The following FRMD7 variants were observed in gnomAD, a reference collection of about 807,000 sequenced individuals.
The protein encoded by FRMD7 is FERM domain-containing protein 7.
A neutral mutation model predicts 44.1 loss-of-function variants in FRMD7; 14 were observed. The observed-to-expected ratio is 0.32, with a 90% CI of 0.21 to 0.50. FRMD7 has a LOEUF of 0.50. Among genes scored for constraint, FRMD7 ranks in the 20% least tolerant of loss-of-function variants. The pLI is 0.99. For synonymous variants in FRMD7, 212 were observed against 187.4 expected (o/e 1.13, Z -1.07); for missense variants, 501 against 522.3 (o/e 0.96, Z 0.40).
At chrX:132,106,843 A>G (rs770433488) in intron 1 of FRMD7, among the ~76,000 whole-genome samples, 1 of 111,760 alleles carries the variant, frequency 8.9e-6, no homozygotes, top group Non-Finnish European at 1.9e-5. Context: ...AACACAAAGA[A>G]GGAAACAACA....
In FRMD7 at chrX:132,097,339, T is replaced by C; in HGVS notation, c.211A>G (p.Lys71Glu). Residue 71 changes from lysine to glutamate, a missense_variant, in exon 4 of 12, where the codon AAG (lysine) becomes GAG (glutamate). Transcript: ENST00000298542. ...KPITKQVKNP[K>E]EIVFKFMVKF... ...ACCATAAATTTGAAAACAATCTCCT[T>C]AGGATCTTAAAACACAATATCTCCA... is the stretch of plus-strand genomic sequence containing the variant. 3.5e-6 allele frequency: 4 copies of C among 1,155,076 alleles called. No individual in the cohort carries two copies. Among genetic ancestry groups the C allele is most frequent in the African/African-American group, 3.5e-5 (2 of 56,519 alleles).
In FRMD7 at chrX:132,085,997, C is replaced by T. The variant is rs1357144462; in HGVS notation, c.420G>A (p.Lys140=). The T allele has an allele frequency of 1.7e-6, 2 of 1,201,351 alleles. No individual in the cohort carries two copies. Among genetic ancestry groups the T allele is most frequent in the East Asian group, 3.0e-5 (1 of 33,817 alleles). ...GTAAGTACCGAGTTTGTGCCAGATGCTTCCTATCTGTTTCTTCATGAAAGT... is the reference window on the plus strand; with the variant it reads ...GTAAGTACCGAGTTTGTGCCAGATGTTTCCTATCTGTTTCTTCATGAAAGT... The part of the protein sequence containing the change: ...LGDFHEETDR[K]HLAQTRYLPN... The change falls in exon 6 of 12, where the codon AAG becomes AAA. Residue 140 remains lysine (K), a synonymous_variant. Transcript: ENST00000298542.
At chrX:132,124,829 G>A (rs935218013) in intron 1 of FRMD7, among the ~76,000 whole-genome samples, 6 of 111,729 alleles carry the variant, frequency 5.4e-5, no homozygotes, top group Non-Finnish European at 1.1e-4. Context: ...TCTTGCTCAC[G>A]AACTTTACCT....
At chrX:132,116,818 T>C (rs1258013710) in intron 1 of FRMD7, among the ~76,000 whole-genome samples, 1 of 111,907 alleles carries the variant, frequency 8.9e-6, no homozygotes, top group Non-Finnish European at 1.9e-5. Context: ...ATCCCAGAAC[T>C]TAAAATAAAA....
chrX:132,084,654 T>C, intron 7 of FRMD7, 69 bp from the exon 8 acceptor site: 2 of 635,730 alleles, frequency 3.1e-6, no homozygotes, highest in South Asian at 2.2e-5. Context: ...AGTGCAAACC[T>C]GATAGAAAAT....
chrX:132,124,532 A>G (rs1462633174), intron 1 of FRMD7, among the ~76,000 whole-genome samples: 1 of 111,693 alleles, frequency 9.0e-6, no homozygotes, highest in Non-Finnish European at 1.9e-5. Context: ...TGCACCCCTA[A>G]ACACTATTGG....
At chrX:132,097,824 T>C (rs187088922) in intron 3 of FRMD7, among the ~76,000 whole-genome samples, 4 of 112,644 alleles carry the variant, frequency 3.6e-5, no homozygotes, top group African/African-American at 1.3e-4. Context: ...AAAACACATA[T>C]ACTTATCTTC....
intron 1 of FRMD7, among the ~76,000 whole-genome samples, chrX:132,121,670 A>G (rs948831821): frequency 9.0e-6 from 1 of 110,777 alleles, no homozygotes; most frequent in African/African-American, 3.3e-5. Flanking sequence ...TGTGCATGAG[A>G]CTTATGTAAG....
chrX:132,080,134 G>A (rs370437110), intron 10 of FRMD7, 53 bp from the exon 11 acceptor site: 2 of 1,113,696 alleles, frequency 1.8e-6, no homozygotes, highest in Non-Finnish European at 2.5e-6. Flanking sequence ...TGAATACCAG[G>A]ATACATAGAA....
At chrX:132,086,055 A>AT in intron 5 of FRMD7, 21 bp from the exon 6 acceptor site, 10 of 963,047 alleles carry the variant, frequency 1.0e-5, no homozygotes, top group Non-Finnish European at 1.5e-5. Flanking sequence ...GGAAAAAGAC[A>AT]TTTTTCACAT....
chrX:132,103,626 C>T (rs1928571273), intron 1 of FRMD7, among the ~76,000 whole-genome samples: 2 of 111,708 alleles, frequency 1.8e-5, no homozygotes. Context: ...GGGCTTCAAA[C>T]TCATCTTCTC....
chrX:132,110,661 C>G (rs1335790160), intron 1 of FRMD7, among the ~76,000 whole-genome samples: 1 of 112,179 alleles, frequency 8.9e-6, no homozygotes, highest in African/African-American at 3.2e-5. Flanking sequence ...CTCACTTACT[C>G]TCCATCCCTT....
intron 1 of FRMD7, among the ~76,000 whole-genome samples, chrX:132,122,935 G>A (rs1032205258): frequency 9.0e-6 from 1 of 111,684 alleles, no homozygotes; most frequent in African/African-American, 3.3e-5. Context: ...TGCCTGAAAG[G>A]TCTAGCTGCC....
At chrX:132,082,574 A>C in intron 8 of FRMD7, 48 bp from the exon 9 acceptor site, 1 of 1,069,912 alleles carries the variant, frequency 9.3e-7, no homozygotes, top group East Asian at 3.0e-5. Flanking sequence ...AAGAATATCA[A>C]AGACCTTCAA....
chrX:132,111,729 T>G (rs913446989), intron 1 of FRMD7, among the ~76,000 whole-genome samples: 2 of 112,166 alleles, frequency 1.8e-5, no homozygotes, highest in Admixed American at 1.9e-4. Context: ...TTGTGTTAAT[T>G]AGAACAGGAA....
In FRMD7 at chrX:132,127,768, G is replaced by A. The variant is rs772134040; in HGVS notation, c.57+20C>T. On this transcript the variant is annotated intron_variant, in intron 1 of 11. Transcript: ENST00000298542. ...TTGAATGAATAATAAAGGAATAATA[G>A]CAATGTGATTTCCACTTACATCAAC... The A allele has an allele frequency of 2.6e-6, 3 of 1,142,925 alleles. No individual in the cohort carries two copies. In the South Asian group the frequency reaches 5.4e-5, roughly 21 times the overall value. The allele number at this position is 1,142,925 out of a possible 1,213,427, so 94.2% of individuals were successfully genotyped here.
At chrX:132,111,025 A>T (rs1020848507) in intron 1 of FRMD7, among the ~76,000 whole-genome samples, 7 of 110,661 alleles carry the variant, frequency 6.3e-5, no homozygotes, top group Non-Finnish European at 1.3e-4. Flanking sequence ...TCTCTATAAA[A>T]ATTAAACAAT....
intron 3 of FRMD7, 61 bp downstream of exon 3, chrX:132,099,407 T>C: frequency 2.1e-6 from 2 of 966,163 alleles, no homozygotes; most frequent in Non-Finnish European, 2.9e-6. Context: ...TGTGAGGTTG[T>C]TGAAACCTTT....
At chrX:132,107,604 GGAGAGAGA>G (rs749047439) in intron 1 of FRMD7, among the ~76,000 whole-genome samples, 6 of 91,199 alleles carry the variant, frequency 6.6e-5, no homozygotes, top group Non-Finnish European at 1.1e-4. Flanking sequence ...TCTACATGGT[GGAGAGAGA>G]GAGAGAGAGA....
Sources: gnomAD v4.1 joint callset for allele counts (sites outside exome capture counted in the v4.1 genomes callset) on GRCh38, gnomAD v4.1.1 for gene constraint, MANE v1.5 for transcripts, NCBI Gene and HGNC (gene_info 2026-07-23, HGNC 2026-07-21) for gene names.